Variants in PRDM11 observed in about 807,000 individuals in gnomAD.
The protein encoded by PRDM11 is PR/SET domain 11.
In PRDM11, 20 loss-of-function variants were observed where a neutral mutation model predicts 97.8. The ratio of observed to expected loss-of-function variants is 0.20; its 90% CI spans 0.14 to 0.30. PRDM11 has a LOEUF of 0.30. PRDM11 is among the 10% of genes least tolerant of loss of function. The pLI, the probability that PRDM11 is intolerant of heterozygous loss-of-function variation, is 1.00. For synonymous variants in PRDM11, 599 were observed against 637.7 expected, an observed-to-expected ratio of 0.94 and a Z score of 0.91; for missense variants, 1,139 against 1,555.2, an observed-to-expected ratio of 0.73 and a Z score of 4.50.
rs887972232 is a variant in PRDM11, at chr11:45,230,574, A to C, written c.*2415A>C. 1 of 152,206 alleles carries C rather than the reference A, an allele frequency of 6.6e-6. No individual in the cohort carries two copies. Among genetic ancestry groups the C allele is most frequent in the Non-Finnish European group, 1.5e-5 (1 of 68,066 alleles). The allele number at this position is 152,206 out of a possible 1,614,324, so 9.4% of individuals were successfully genotyped here. A position where few individuals can be genotyped will look rare whatever the true frequency, so the allele number is the denominator to read the frequency against. On this transcript the variant is annotated 3_prime_UTR_variant, in exon 8 of 8. Coordinates refer to ENST00000683152, the MANE Select transcript of PRDM11 (RefSeq NM_001384648.1). The stretch of plus-strand genomic sequence containing the variant: ...GGACTTCCTCTCCCCTCACACACGC[A>C]AACTGCTGTGTCTGGGGAGTTTTCA...
intron 1 of PRDM11, among the ~76,000 whole-genome samples, chr11:45,108,828 A>G (rs1383027879): frequency 2.0e-5 from 3 of 152,272 alleles, no homozygotes; most frequent in African/African-American, 7.2e-5. Flanking sequence ...GAATTAACAC[A>G]TGCACCCGCA....
At chr11:45,144,800 C>CAACA (rs1851471273), upstream of PRDM11, among the ~76,000 whole-genome samples, 1 of 152,224 alleles carries the variant, frequency 6.6e-6, no homozygotes, top group African/African-American at 2.4e-5. Flanking sequence ...TCAAAAGGAA[C>CAACA]AACAAATGGC....
chr11:45,182,683 C>T (rs1377369539), intron 3 of PRDM11, among the ~76,000 whole-genome samples, 178 bp from the exon 4 acceptor site: 1 of 152,196 alleles, frequency 6.6e-6, no homozygotes, highest in East Asian at 1.9e-4. Flanking sequence ...GCCTCCTTGA[C>T]GTAGGCAGGC....
intron 1 of PRDM11, among the ~76,000 whole-genome samples, chr11:45,113,309 AC>A (rs1394316501): frequency 6.6e-6 from 1 of 152,182 alleles, no homozygotes; most frequent in African/African-American, 2.4e-5. Context: ...CCATTGGTCT[AC>A]ATGTGTGTTT....
intron 4 of PRDM11, among the ~76,000 whole-genome samples, chr11:45,186,692 T>C (rs1852718035): frequency 6.6e-6 from 1 of 152,098 alleles, no homozygotes; most frequent in Non-Finnish European, 1.5e-5. Flanking sequence ...CAAGGGTGCA[T>C]GGCTTGTTTT....
At position 45,226,623 on chromosome 11, in the gene PRDM11, C is replaced by T. The variant is rs766055933; in HGVS notation, c.1998C>T (p.Ser666=). 3.3e-5 allele frequency: 50 copies of T among 1,533,872 alleles called. No individual in the cohort carries two copies. In the African/African-American group the frequency reaches 3.4e-4, roughly 11 times the overall value. Residue 666 remains serine (S), a synonymous_variant, in exon 8 of 8, where the codon AGC becomes AGT. Transcript: ENST00000683152. ...PCLSVILDGQ[S]DDLLADTVAV... is the part of the protein sequence containing the mutation. The stretch of plus-strand genomic sequence containing the variant: ...TCAGCGTCATCCTGGATGGGCAGAG[C>T]GACGACCTGCTGGCCGACACGGTGG...
chr11:45,106,342 G>A (rs1179032345), intron 1 of PRDM11, among the ~76,000 whole-genome samples: 1 of 152,172 alleles, frequency 6.6e-6, no homozygotes, highest in African/African-American at 2.4e-5. Context: ...ACCTCTTGGG[G>A]TGCAGGGATT....
At chr11:45,153,801 T>A (rs1334107200) in intron 1 of PRDM11, among the ~76,000 whole-genome samples, 3 of 152,192 alleles carry the variant, frequency 2.0e-5, no homozygotes, top group African/African-American at 7.2e-5. Flanking sequence ...AAGGTGCTGT[T>A]ATCTCTGGGG....
intron 4 of PRDM11, among the ~76,000 whole-genome samples, chr11:45,193,363 G>T (rs1852983552): frequency 6.6e-6 from 1 of 152,102 alleles, no homozygotes; most frequent in African/African-American, 2.4e-5. Context: ...TCATAATTGG[G>T]GTTGTATGGT....
chr11:45,187,588 C>T (rs1308256547), intron 4 of PRDM11, among the ~76,000 whole-genome samples: 2 of 152,166 alleles, frequency 1.3e-5, no homozygotes, highest in African/African-American at 4.8e-5. Context: ...GGAGGTGGGA[C>T]TGGTGGCCTG....
At chr11:45,147,444 C>G (rs1245789104) in intron 1 of PRDM11, 1 of 152,262 alleles carries the variant, frequency 6.6e-6, no homozygotes, top group African/African-American at 2.4e-5. Flanking sequence ...CCTTCTCCAT[C>G]GCGGTTCGCG....
intron 5 of PRDM11, chr11:45,212,774 A>C (rs1465271360): frequency 6.6e-6 from 3 of 456,226 alleles, no homozygotes; most frequent in Admixed American, 2.3e-5. Context: ...GGAGCTGGTG[A>C]CCGTGCACCG....
chr11:45,161,539 G>A (rs1223954959), intron 1 of PRDM11, among the ~76,000 whole-genome samples: 1 of 152,208 alleles, frequency 6.6e-6, no homozygotes, highest in Non-Finnish European at 1.5e-5. Flanking sequence ...AGGTTTCCCG[G>A]CTGTCAATGA....
intron 5 of PRDM11, among the ~76,000 whole-genome samples, chr11:45,218,783 T>C (rs888429100): frequency 6.6e-6 from 1 of 152,220 alleles, no homozygotes; most frequent in Non-Finnish European, 1.5e-5. Flanking sequence ...TCTGAGGGTT[T>C]GACAGAACTT....
chr11:45,146,053 C>A (rs1436110061), upstream of PRDM11, among the ~76,000 whole-genome samples: 1 of 152,178 alleles, frequency 6.6e-6, no homozygotes, highest in African/African-American at 2.4e-5. Flanking sequence ...AGAACATGTG[C>A]GATTCGTGAC....
intron 5 of PRDM11, chr11:45,215,928 C>T (rs1182338553): frequency 6.6e-6 from 1 of 152,616 alleles, no homozygotes; most frequent in Admixed American, 6.5e-5. Context: ...CTAGTCAATT[C>T]CCTCCAGCAA....
chr11:45,168,812 C>T (rs927686759), intron 1 of PRDM11, among the ~76,000 whole-genome samples: 3 of 152,228 alleles, frequency 2.0e-5, no homozygotes, highest in African/African-American at 4.8e-5. Flanking sequence ...CACATCCAGG[C>T]CTCTTTCAGT....
At chr11:45,160,347 A>G (rs180823824) in intron 1 of PRDM11, among the ~76,000 whole-genome samples, 17 of 152,348 alleles carry the variant, frequency 1.1e-4, no homozygotes, top group Admixed American at 1.1e-3. Flanking sequence ...AAAAAATCAA[A>G]TATTAACAAA....
At chr11:45,182,808 G>T in intron 3 of PRDM11, 53 bp from the exon 4 acceptor site, 1 of 1,523,452 alleles carries the variant, frequency 6.6e-7, no homozygotes, top group Non-Finnish European at 8.8e-7. Context: ...CCCCATGGGG[G>T]TCTTACCTCC....
Sources: allele counts gnomAD v4.1 joint callset (sites outside exome capture counted in the v4.1 genomes callset), GRCh38; gene constraint gnomAD v4.1.1; transcripts MANE v1.5; gene names NCBI Gene and HGNC (gene_info 2026-07-23, HGNC 2026-07-21).